The following MPPED1 variants were observed in gnomAD, a reference collection of about 807,000 sequenced individuals.
The protein encoded by MPPED1 is metallophosphoesterase domain-containing protein 1.
Under a neutral mutation model 36.2 loss-of-function variants are expected in MPPED1, and 16 were observed. That is an observed-to-expected ratio of 0.44 (90% CI 0.30 to 0.67). The LOEUF (loss-of-function observed/expected upper bound fraction) is 0.67, where lower values mean the gene tolerates loss of function less well. Among genes scored for constraint, MPPED1 ranks in the 30% least tolerant of loss-of-function variants. The pLI is 0.10. For missense variants in MPPED1, 307 were observed against 453.4 expected (o/e 0.68, Z 2.93); for synonymous variants, 199 against 191.3 (o/e 1.04, Z -0.33).
At chr22:43,445,880 ATTTTCT>A (rs1482768690) in intron 3 of MPPED1, among the ~76,000 whole-genome samples, 5 of 125,838 alleles carry the variant, frequency 4.0e-5, no homozygotes, top group African/African-American at 1.5e-4. Context: ...TGGTGTTTAC[ATTTTCT>A]TTTTTTTTTT....
chr22:43,455,568 G>A (rs1205632379), intron 3 of MPPED1, among the ~76,000 whole-genome samples: 2 of 152,170 alleles, frequency 1.3e-5, no homozygotes, highest in African/African-American at 4.8e-5. Context: ...TGTGGAGGGG[G>A]AGACAATTTT....
At chr22:43,483,995 G>A (rs569726968) in intron 4 of MPPED1, among the ~76,000 whole-genome samples, 4 of 152,344 alleles carry the variant, frequency 2.6e-5, no homozygotes, top group East Asian at 1.9e-4. Context: ...GATGGAGGGC[G>A]AGTCCAACTC....
At chr22:43,431,774 A>G (rs761178885) in intron 2 of MPPED1, among the ~76,000 whole-genome samples, 12 of 152,238 alleles carry the variant, frequency 7.9e-5, no homozygotes, top group Non-Finnish European at 1.3e-4. Context: ...GGGATCATTG[A>G]AATCATTACT....
intron 3 of MPPED1, among the ~76,000 whole-genome samples, chr22:43,463,811 C>CTTTCTTTTTTTCTTTCTTTCTT (rs1931045455): frequency 4.1e-5 from 1 of 24,210 alleles, no homozygotes; most frequent in Non-Finnish European, 8.5e-5. Context: ...TTTTTCTTTT[C>CTTTCTTTTTTTCTTTCTTTCTT]TTTCTTTCTT....
intron 5 of MPPED1, among the ~76,000 whole-genome samples, chr22:43,499,918 TG>T (rs1569091409): frequency 1.5e-4 from 13 of 89,244 alleles, no homozygotes; most frequent in East Asian, 7.2e-4. Flanking sequence ...GTGATGGAGG[TG>T]GTGGTGGTGA....
chr22:43,455,963 CCTTCTGGAGG>C (rs1404025256), intron 3 of MPPED1, among the ~76,000 whole-genome samples: 3 of 152,174 alleles, frequency 2.0e-5, no homozygotes, highest in African/African-American at 7.2e-5. Context: ...GGGCTGTGTT[CCTTCTGGAGG>C]CTCTGGTGAG....
chr22:43,492,768 C>G (rs548117510), intron 4 of MPPED1, among the ~76,000 whole-genome samples: 81 of 152,262 alleles, frequency 5.3e-4, no homozygotes, highest in African/African-American at 1.9e-3. Context: ...AGCGACAGCC[C>G]TCTTCCTCAA....
chr22:43,424,991 G>A lies in MPPED1; in HGVS notation c.6G>A (p.Trp2Ter), dbSNP rs1189936962. The A allele has an allele frequency of 3.8e-6, 6 of 1,594,410 alleles. No individual in the cohort carries two copies. Among genetic ancestry groups the A allele is most frequent in the Non-Finnish European group, 4.3e-6 (5 of 1,171,750 alleles). Residue 2 changes from tryptophan to a stop codon, truncating the protein, a stop_gained, in exon 2 of 7, where the codon TGG (tryptophan) becomes TGA (stop). Coordinates refer to ENST00000443721, the MANE Select transcript of MPPED1 (RefSeq NM_001044370.2). LOFTEE classifies it high-confidence loss of function. ...GGGGCGGCCGGCGGAGGTCCATGTGGCGCTCTAGGTGGGATGCCAGCGTCC... is the reference window on the plus strand; with the variant it reads ...GGGGCGGCCGGCGGAGGTCCATGTGACGCTCTAGGTGGGATGCCAGCGTCC... M[W>*]RSRWDASVLK...
intron 1 of MPPED1, chr22:43,419,258 A>G (rs533682844): frequency 1.3e-5 from 2 of 152,340 alleles, no homozygotes; most frequent in Non-Finnish European, 2.9e-5. Flanking sequence ...TTCAGATAAA[A>G]AGCCGACTGT....
Position 43,506,245 on chromosome 22 carries a change from T to G in MPPED1, c.*629T>G, listed in dbSNP as rs1004789880. 1.3e-5 allele frequency: 2 copies of G among 152,720 alleles called. No individual in the cohort carries two copies. Among genetic ancestry groups the G allele is most frequent in the African/African-American group, 4.8e-5 (2 of 41,468 alleles). 9.5% of individuals were successfully genotyped at this position (152,720 alleles called of 1,614,324 possible). A position where few individuals can be genotyped will look rare whatever the true frequency, so the allele number is the denominator to read the frequency against. On this transcript the variant is annotated 3_prime_UTR_variant, in exon 7 of 7. Transcript: ENST00000443721. ...TAGGCATTTTTGTTTACTTGAACAA[T>G]GACCTGAGTGTCCTAGGCATTCACT...
chr22:43,464,716 G>A (rs1931101253), intron 3 of MPPED1, among the ~76,000 whole-genome samples: 1 of 152,152 alleles, frequency 6.6e-6, no homozygotes, highest in African/African-American at 2.4e-5. Flanking sequence ...GACCCCCTGG[G>A]ACTCTGGCCA....
chr22:43,461,816 C>T (rs536438112), intron 3 of MPPED1, among the ~76,000 whole-genome samples: 15 of 152,286 alleles, frequency 9.8e-5, no homozygotes, highest in South Asian at 4.1e-4. Context: ...CCCGCTTCTT[C>T]GCTGATCAGT....
At chr22:43,456,674 T>C (rs13054190) in intron 3 of MPPED1, among the ~76,000 whole-genome samples, 43,281 of 152,094 alleles carry the variant, frequency 0.28, 7,614 homozygotes, top group East Asian at 0.54. Flanking sequence ...TTTGTTTTTT[T>C]AGTAGAGACA....
In MPPED1 at chr22:43,463,815, C is replaced by CTTTCTTTTTTTTTTTT. The variant is rs1377538955; in HGVS notation, c.407-10914_407-10913insTTTTTTTTTTTTCTTT. Among the ~76,000 whole-genome samples the CTTTCTTTTTTTTTTTT allele has an allele frequency of 2.6e-3, 127 of 47,974 alleles. 3 individuals are homozygous for CTTTCTTTTTTTTTTTT. The highest frequency in any genetic ancestry group is 4.3e-3 in the Non-Finnish European group (97 of 22,452). 31.5% of individuals were successfully genotyped at this position (47,974 alleles called of 152,430 possible). On this transcript the variant is annotated intron_variant, in intron 3 of 6. Transcript: ENST00000443721. The stretch of plus-strand genomic sequence containing the variant: ...TGATTTTTCATTTTTTCTTTTCTTT[C>CTTTCTTTTTTTTTTTT]TTTCTTTCTTTCTTTCTTTCTTTCT...
chr22:43,417,440 C>A (rs542299537), intron 1 of MPPED1, among the ~76,000 whole-genome samples: 6 of 146,224 alleles, frequency 4.1e-5, no homozygotes, highest in African/African-American at 1.2e-4. Flanking sequence ...TCCTTTGAGT[C>A]CCTCTGCTTT....
At chr22:43,497,177 TTGATGGTAGAAGTGCTAG>T (rs1932445198) in intron 4 of MPPED1, among the ~76,000 whole-genome samples, 1 of 150,116 alleles carries the variant, frequency 6.7e-6, no homozygotes, top group African/African-American at 2.5e-5. Context: ...GGAAGTGCTG[TTGATGGTAGAAGTGCTAG>T]TGATGGTGGA....
At position 43,425,099 on chromosome 22, in the gene MPPED1, C is replaced by A. The variant is rs1337575702; in HGVS notation, c.114C>A (p.His38Gln). Residue 38 changes from histidine (H) to glutamine (Q), a missense_variant, in exon 2 of 7, where the codon CAC becomes CAA. His to Gln is a conservative substitution (Grantham distance 24, BLOSUM62 0). This residue lies in a region of MPPED1 where 169 missense variants were observed against 212.3 expected (regional missense o/e 0.80). Transcript: ENST00000443721. ...SQSHVMAARR[H>Q]QHSRLIIEVD... ...CCCACGTGATGGCCGCTCGGCGGCA[C>A]CAGCACAGCCGGCTCATCATCGAGG... is the stretch of plus-strand genomic sequence containing the variant. 1.1e-5 allele frequency: 18 copies of A among 1,613,806 alleles called. No individual in the cohort carries two copies. Among genetic ancestry groups the A allele is most frequent in the Non-Finnish European group, 1.4e-5 (16 of 1,179,894 alleles).
intron 4 of MPPED1, among the ~76,000 whole-genome samples, chr22:43,476,895 A>G (rs1386338365): frequency 1.3e-5 from 2 of 151,976 alleles, no homozygotes; most frequent in East Asian, 3.9e-4. Context: ...TAGGCCAAAA[A>G]CCAGGAGGGC....
At chr22:43,418,058 A>G in intron 1 of MPPED1, 2 of 456,296 alleles carry the variant, frequency 4.4e-6, no homozygotes, top group Non-Finnish European at 8.8e-6. Flanking sequence ...ACAGCACCAT[A>G]TTATGCTAGC....
Sources: gnomAD v4.1 joint callset for allele counts (sites outside exome capture counted in the v4.1 genomes callset) on GRCh38, gnomAD v4.1.1 for gene constraint, gnomAD v4.1.1 regional missense constraint, MANE v1.5 for transcripts, NCBI Gene and HGNC (gene_info 2026-07-23, HGNC 2026-07-21) for gene names.